The following TTC39C variants were observed in gnomAD, a reference collection of about 807,000 sequenced individuals.
TTC39C encodes tetratricopeptide repeat domain 39C.
A neutral mutation model predicts 76.3 loss-of-function variants in TTC39C; 33 were observed. That is an observed-to-expected ratio of 0.43 (90% CI 0.33 to 0.58). TTC39C has a LOEUF of 0.58. TTC39C is among the 20% of genes least tolerant of loss of function. The pLI, the probability that TTC39C is intolerant of heterozygous loss-of-function variation, is 0.04. For synonymous variants in TTC39C, 254 were observed against 260.6 expected (o/e 0.97, Z 0.24); for missense variants, 595 against 701.4 (o/e 0.85, Z 1.71).
At chr18:24,009,712 TGGA>T (rs1257315779) in intron 1 of TTC39C, among the ~76,000 whole-genome samples, 1 of 152,202 alleles carries the variant, frequency 6.6e-6, no homozygotes, top group Non-Finnish European at 1.5e-5. Flanking sequence ...AGGAAAGCGG[TGGA>T]GGAGAGACAA....
chr18:24,090,871 A>T (rs1408942052), intron 6 of TTC39C, among the ~76,000 whole-genome samples: 1 of 124,244 alleles, frequency 8.0e-6, no homozygotes, highest in Non-Finnish European at 1.6e-5. Flanking sequence ...CAGTGGCATG[A>T]TCTCAGCTCA....
chr18:24,014,741 TCTCCC>T (rs956931369), upstream of TTC39C: 786 of 1,124,260 alleles, frequency 7.0e-4, no homozygotes, highest in Middle Eastern at 1.1e-3. Context: ...CCTCCCGTCT[TCTCCC>T]CTCCCCTCCC....
chr18:24,067,671 C>T (rs929554544), intron 3 of TTC39C, among the ~76,000 whole-genome samples: 3 of 152,166 alleles, frequency 2.0e-5, no homozygotes, highest in Non-Finnish European at 4.4e-5. Flanking sequence ...CTCCTCCCAC[C>T]CCCTCAACCC....
intron 1 of TTC39C, among the ~76,000 whole-genome samples, chr18:24,040,918 A>G (rs989095511): frequency 5.3e-5 from 8 of 152,198 alleles, no homozygotes; most frequent in African/African-American, 1.7e-4. Context: ...GATTATTTCT[A>G]AAACAGTTAC....
At chr18:24,071,961 C>T (rs550074364) in intron 4 of TTC39C, among the ~76,000 whole-genome samples, 159 of 152,312 alleles carry the variant, frequency 1.0e-3, no homozygotes, top group African/African-American at 3.5e-3. Flanking sequence ...TTGTCATAAA[C>T]TTATGTAGTG....
intron 1 of TTC39C, among the ~76,000 whole-genome samples, chr18:24,017,295 G>A (rs756122616): frequency 6.6e-5 from 10 of 152,224 alleles, no homozygotes; most frequent in Non-Finnish European, 1.2e-4. Flanking sequence ...TCATGGACCA[G>A]AGTCCTGCAA....
Position 24,118,182 on chromosome 18 carries a change from T to TA in TTC39C, c.1142dup (p.Asn381LysfsTer2), listed in dbSNP as rs758752546. The TA allele has an allele frequency of 1.2e-5, 19 of 1,614,018 alleles. No individual in the cohort carries two copies. The highest frequency in any genetic ancestry group is 1.4e-5 in the Non-Finnish European group (16 of 1,179,952). On this transcript the variant is annotated frameshift_variant, in exon 8 of 14. Coordinates refer to ENST00000317571, the MANE Select transcript of TTC39C (RefSeq NM_001135993.2). LOFTEE classifies it high-confidence loss of function. ...GATGCATTTGATTCCTTTGAGAGGC[T>TA]AAAAAATGAGTCCAGGTGGTCCCAG... is the stretch of plus-strand genomic sequence containing the variant.
intron 8 of TTC39C, among the ~76,000 whole-genome samples, chr18:24,122,585 C>A (rs2084984082): frequency 6.7e-6 from 1 of 148,928 alleles, no homozygotes; most frequent in African/African-American, 2.5e-5. Context: ...CACATGTGAT[C>A]TAACAAAATT....
At chr18:24,118,831 A>G (rs1186042623) in intron 8 of TTC39C, among the ~76,000 whole-genome samples, 2 of 151,746 alleles carry the variant, frequency 1.3e-5, no homozygotes, top group African/African-American at 4.8e-5. Context: ...TTTTTAAAAA[A>G]AATTTGTAGC....
intron 1 of TTC39C, chr18:23,994,621 G>T (rs1208442236): frequency 6.6e-6 from 1 of 150,774 alleles, no homozygotes; most frequent in Admixed American, 6.6e-5. Context: ...AGTTGGCCCC[G>T]TTTCAAGGCT....
At chr18:24,127,435 G>A (rs904493595) in intron 10 of TTC39C, among the ~76,000 whole-genome samples, 1 of 152,164 alleles carries the variant, frequency 6.6e-6, no homozygotes, top group South Asian at 2.1e-4. Context: ...CTATATCCTT[G>A]TCTTGTAGTT....
chr18:24,077,922 G>C (rs1047366460), intron 4 of TTC39C, among the ~76,000 whole-genome samples: 6 of 152,138 alleles, frequency 3.9e-5, no homozygotes, highest in African/African-American at 1.4e-4. Flanking sequence ...TTTTCTCCAG[G>C]CTTTCTTTTC....
intron 1 of TTC39C, among the ~76,000 whole-genome samples, chr18:24,020,821 A>ATTGAGTGAGATTACCTTTT (rs1161405316): frequency 6.6e-6 from 1 of 152,116 alleles, no homozygotes. Context: ...GTATTAACCG[A>ATTGAGTGAGATTACCTTTT]TTGAGTGAGA....
chr18:24,065,040 A>G (rs2084149058), intron 2 of TTC39C, among the ~76,000 whole-genome samples: 1 of 152,240 alleles, frequency 6.6e-6, no homozygotes, highest in African/African-American at 2.4e-5. Flanking sequence ...CCCAAGTGAT[A>G]ACAAGGGCTG....
At chr18:24,091,828 G>A (rs771946793) in intron 6 of TTC39C, among the ~76,000 whole-genome samples, 7 of 152,010 alleles carry the variant, frequency 4.6e-5, no homozygotes, top group South Asian at 4.1e-4. Context: ...GGTGGCTCAC[G>A]CCTGTAATCC....
intron 8 of TTC39C, among the ~76,000 whole-genome samples, chr18:24,121,500 A>T (rs1329086246): frequency 1.3e-5 from 2 of 152,018 alleles, no homozygotes; most frequent in African/African-American, 4.8e-5. Context: ...AATTGCTTGA[A>T]CCCAGGAGGC....
chr18:24,082,913 A>G lies in TTC39C; in HGVS notation c.816A>G (p.Thr272=). 1 of 1,594,594 alleles carries G rather than the reference A, an allele frequency of 6.3e-7. No individual in the cohort carries two copies. Among genetic ancestry groups the G allele is most frequent in the Non-Finnish European group, 8.6e-7 (1 of 1,169,428 alleles). The change falls in exon 6 of 14, where the codon ACA becomes ACG. Residue 272 remains threonine, a splice_region_variant and synonymous_variant. Transcript: ENST00000317571. ...AATGTTTCTCTCCCTCTTCCTCTAG[A>G]TTAGCTCTGCTCTGGTATCATACTG... ...ESKDMKAPLA[T]LALLWYHTVV...
rs184292730 is a variant in TTC39C at position 24,114,381 on chromosome 18, C to T, written c.985-173C>T. The T allele has an allele frequency of 2.5e-3, 1,333 of 540,058 alleles. 4 individuals are homozygous for T. Among genetic ancestry groups the T allele is most frequent in the Non-Finnish European group, 2.9e-3 (888 of 302,004 alleles). 33.5% of individuals were successfully genotyped at this position (540,058 alleles called of 1,614,324 possible). ...GTTCTCTGTGCTTAGGTTAATTTCACAGCTGTTTGGGGGCAAATTGGAGTA... is the reference window on the plus strand; with the variant it reads ...GTTCTCTGTGCTTAGGTTAATTTCATAGCTGTTTGGGGGCAAATTGGAGTA... On this transcript the variant is annotated intron_variant, in intron 6 of 13. Coordinates refer to ENST00000317571, the MANE Select transcript of TTC39C (RefSeq NM_001135993.2).
chr18:24,041,335 A>G (rs2083789523), intron 1 of TTC39C, among the ~76,000 whole-genome samples: 1 of 152,194 alleles, frequency 6.6e-6, no homozygotes, highest in Admixed American at 6.5e-5. Flanking sequence ...AGGAAGAGAA[A>G]GCTGGAGGCT....
Sources: gnomAD v4.1 joint callset for allele counts (sites outside exome capture counted in the v4.1 genomes callset) on GRCh38, gnomAD v4.1.1 for gene constraint, MANE v1.5 for transcripts, NCBI Gene and HGNC (gene_info 2026-07-23, HGNC 2026-07-21) for gene names.